Variants in DDAH1 observed in about 807,000 individuals in gnomAD.
The protein encoded by DDAH1 is dimethylarginine dimethylaminohydrolase 1.
A neutral mutation model predicts 28.8 loss-of-function variants in DDAH1; 19 were observed. That is an observed-to-expected ratio of 0.66 (90% confidence interval 0.46 to 0.97). DDAH1 has a LOEUF of 0.97. Ranked by LOEUF, DDAH1 falls within the 50% of genes least tolerant of loss-of-function variation. DDAH1 has a pLI of 0.00. For missense variants in DDAH1, 326 were observed against 375.9 expected, an observed-to-expected ratio of 0.87 and a Z score of 1.10; for synonymous variants, 153 against 154.4, an observed-to-expected ratio of 0.99 and a Z score of 0.07.
intron 1 of DDAH1, among the ~76,000 whole-genome samples, chr1:85,409,299 G>A (rs1224489909): frequency 6.6e-6 from 1 of 152,058 alleles, no homozygotes; most frequent in East Asian, 1.9e-4. Flanking sequence ...ACCCCTATGT[G>A]GTTTTCTTGA....
At chr1:85,509,847 C>A (rs1657160541) in intron 1 of DDAH1, among the ~76,000 whole-genome samples, 1 of 152,050 alleles carries the variant, frequency 6.6e-6, no homozygotes, top group South Asian at 2.1e-4. Context: ...TGTGAAAAGA[C>A]CAAATCTACA....
At chr1:85,413,292 T>G (rs952182306) in intron 1 of DDAH1, among the ~76,000 whole-genome samples, 4 of 152,210 alleles carry the variant, frequency 2.6e-5, no homozygotes, top group Non-Finnish European at 5.9e-5. Context: ...TAGCACGTAT[T>G]TTTTGCAGCT....
At chr1:85,558,341 G>A (rs939534008) in intron 1 of DDAH1, among the ~76,000 whole-genome samples, 4 of 152,228 alleles carry the variant, frequency 2.6e-5, no homozygotes, top group Admixed American at 1.3e-4. Context: ...CAGCCTGGGC[G>A]AAGGAGCAGG....
chr1:85,403,549 G>C (rs1652257631), intron 1 of DDAH1, among the ~76,000 whole-genome samples: 1 of 152,088 alleles, frequency 6.6e-6, no homozygotes, highest in African/African-American at 2.4e-5. Flanking sequence ...GTCAGAAACT[G>C]AAATAGTGAT....
In DDAH1 at chr1:85,464,804, G is replaced by A. The variant is rs1425074726; in HGVS notation, c.242C>T (p.Ala81Val). Residue 81 changes from alanine (A) to valine (V), a missense_variant, in exon 1 of 6, where the codon GCC becomes GTC. Coordinates refer to ENST00000284031, the MANE Select transcript of DDAH1 (RefSeq NM_012137.4). The surrounding 1 kb of genome is among the most constrained non-coding windows in gnomAD (Gnocchi z 4.4). ...LPDCVFVEDV[A>V]VVCEETALIT... ...GAGGGCCGTCTCCTCGCACACCACG[G>A]CCACGTCCTCCACGAAGACGCAGTC... is the stretch of plus-strand genomic sequence containing the variant. 2 of 1,586,742 alleles carry A rather than the reference G, an allele frequency of 1.3e-6. No individual in the cohort carries two copies. Among genetic ancestry groups the A allele is most frequent in the Non-Finnish European group, 8.5e-7 (1 of 1,173,830 alleles).
intron 1 of DDAH1, among the ~76,000 whole-genome samples, chr1:85,575,316 C>T (rs1321978539): frequency 6.6e-6 from 1 of 152,198 alleles, no homozygotes; most frequent in Non-Finnish European, 1.5e-5. Context: ...GATGAACCAT[C>T]AAGTAAGTGA....
At chr1:85,491,516 T>C (rs1656402368) in intron 2 of DDAH1, among the ~76,000 whole-genome samples, 1 of 152,172 alleles carries the variant, frequency 6.6e-6, no homozygotes. Flanking sequence ...AGAAAGCTCA[T>C]CTGCAAAGAG....
intron 1 of DDAH1, among the ~76,000 whole-genome samples, chr1:85,540,914 C>T (rs1373293210): frequency 2.8e-5 from 4 of 140,432 alleles, no homozygotes; most frequent in Non-Finnish European, 6.0e-5. Context: ...GAGCCAAGAT[C>T]GTGCTACTGC....
intron 1 of DDAH1, among the ~76,000 whole-genome samples, chr1:85,402,425 T>C (rs140989812): frequency 6.6e-6 from 1 of 152,200 alleles, no homozygotes; most frequent in Admixed American, 6.5e-5. Context: ...TGTCAAACTA[T>C]TCTTATAGAC....
exon 1 of DDAH1, chr1:85,578,102 C>G (rs1005318677): frequency 1.6e-6 from 1 of 642,146 alleles, no homozygotes; most frequent in Non-Finnish European, 1.9e-6. Flanking sequence ...TTGGGCAGGA[C>G]TTGAGGAGCC....
chr1:85,397,036 T>TAA (rs34296620), intron 1 of DDAH1, among the ~76,000 whole-genome samples: 2 of 145,628 alleles, frequency 1.4e-5, no homozygotes, highest in African/African-American at 5.1e-5. Flanking sequence ...GACCCTGTCT[T>TAA]AAAAAAAAAA....
At chr1:85,404,403 G>C (rs1226779048) in intron 1 of DDAH1, 3 of 1,534,950 alleles carry the variant, frequency 2.0e-6, no homozygotes, top group East Asian at 4.9e-5. Flanking sequence ...CCATCAAATT[G>C]CCATCCAGAA....
At chr1:85,416,410 G>A (rs1321913356) in intron 1 of DDAH1, among the ~76,000 whole-genome samples, 1 of 152,100 alleles carries the variant, frequency 6.6e-6, no homozygotes, top group Admixed American at 6.5e-5. Context: ...GGCCAGGCTG[G>A]TATCAAACTT....
intron 1 of DDAH1, among the ~76,000 whole-genome samples, chr1:85,577,087 G>GCAA (rs1659631897): frequency 6.6e-6 from 1 of 151,986 alleles, no homozygotes; most frequent in Non-Finnish European, 1.5e-5. Flanking sequence ...TCGATTCTTG[G>GCAA]CAACCGCGGT....
intron 4 of DDAH1, among the ~76,000 whole-genome samples, chr1:85,339,424 C>T (rs1236880722): frequency 1.3e-5 from 2 of 152,020 alleles, no homozygotes; most frequent in African/African-American, 4.8e-5. Context: ...TATGGGGACC[C>T]AACAGCAGCA....
chr1:85,383,383 A>G (rs1258133783), intron 1 of DDAH1, among the ~76,000 whole-genome samples: 2 of 152,242 alleles, frequency 1.3e-5, no homozygotes, highest in Non-Finnish European at 2.9e-5. Context: ...AATTGCTGCA[A>G]TCTCATGATA....
intron 4 of DDAH1, among the ~76,000 whole-genome samples, chr1:85,334,012 T>C (rs1647948086): frequency 6.6e-6 from 1 of 152,188 alleles, no homozygotes; most frequent in Admixed American, 6.5e-5. Flanking sequence ...AGTCTTTATG[T>C]CCCCACCCAA....
rs181646890 is a variant in DDAH1, at chr1:85,384,807, G to C, written c.304-25960C>G. Among the ~76,000 whole-genome samples the C allele has an allele frequency of 1.1e-3, 170 of 152,308 alleles. 1 individual carries two copies. Among genetic ancestry groups the C allele is most frequent in the African/African-American group, 3.9e-3 (163 of 41,570 alleles). On this transcript the variant is annotated intron_variant, in intron 1 of 5. Coordinates refer to ENST00000284031, the MANE Select transcript of DDAH1 (RefSeq NM_012137.4). ...TGAACAGAAGGGAGGTCTAGAAATTGCTTCTTTAAGAACAAATTTAGTGAT... is the reference window on the plus strand; with the variant it reads ...TGAACAGAAGGGAGGTCTAGAAATTCCTTCTTTAAGAACAAATTTAGTGAT...
At chr1:85,428,570 T>C (rs1207514066) in intron 1 of DDAH1, among the ~76,000 whole-genome samples, 1 of 152,060 alleles carries the variant, frequency 6.6e-6, no homozygotes, top group African/African-American at 2.4e-5. Context: ...AGCCAAACCA[T>C]ATCAGAGACA....
Sources: allele counts gnomAD v4.1 joint callset (sites outside exome capture counted in the v4.1 genomes callset), GRCh38; gene constraint gnomAD v4.1.1; non-coding constraint Gnocchi (gnomAD v3.1); transcripts MANE v1.5; gene names NCBI Gene and HGNC (gene_info 2026-07-23, HGNC 2026-07-21).